Variants in HSPB7 observed in about 807,000 individuals in gnomAD.
HSPB7 encodes heat shock protein beta-7.
Under a neutral mutation model 11.0 loss-of-function variants are expected in HSPB7, and 9 were observed. That is an observed-to-expected ratio of 0.82 (90% CI 0.49 to 1.43). The LOEUF (loss-of-function observed/expected upper bound fraction) is 1.43, where lower values mean the gene tolerates loss of function less well. HSPB7 is among the 40% of genes most tolerant of loss of function. The probability of loss-of-function intolerance (pLI) is 0.00; values close to 1 mark genes in which losing one functional copy is unlikely to be tolerated. For synonymous variants in HSPB7, 102 were observed against 101.6 expected (o/e 1.00, Z -0.02); for missense variants, 246 against 243.9 (o/e 1.01, Z -0.06).
chr1:16,019,267 C>T (rs1351909736), upstream of HSPB7: 14 of 1,502,936 alleles, frequency 9.3e-6, no homozygotes, highest in Non-Finnish European at 1.2e-5. Context: ...AATGCCTCCT[C>T]CCCCAGGGAG....
upstream of HSPB7, chr1:16,018,096 G>A (rs1475253581): frequency 3.8e-6 from 6 of 1,563,664 alleles, no homozygotes; most frequent in Non-Finnish European, 5.2e-6. Context: ...TGGGCTTGGG[G>A]CCAGCCCCTT....
upstream of HSPB7, chr1:16,018,603 G>A: frequency 9.6e-7 from 1 of 1,043,476 alleles, no homozygotes; most frequent in Non-Finnish European, 1.2e-6. Flanking sequence ...CAGCCCCCAT[G>A]GGGACCTGGA....
intron 1 of HSPB7, 144 bp from the exon 2 acceptor site, chr1:16,017,351 T>G: frequency 9.4e-7 from 1 of 1,063,966 alleles, no homozygotes. Context: ...TCCTCCTCAT[T>G]CCTACAGCCC....
At position 16,017,872 on chromosome 1, in the gene HSPB7, G is replaced by A. The variant is rs201036059; in HGVS notation, c.92C>T (p.Ser31Phe). 1.1e-5 allele frequency: 17 copies of A among 1,613,980 alleles called. No individual in the cohort carries two copies. The Admixed American group carries it at 2.2e-4, about 21-fold the overall frequency. ...CGGGTCCTGGGCCGGGAGAGCACGG[G>A]AGGCCGAGGAGGAGGTGGAAGAGGA... ...SSSSSTSSSA[S>F]RALPAQDPPM... The change falls in exon 1 of 3, where the codon TCC becomes TTC. Residue 31 changes from serine to phenylalanine, a missense_variant. By Grantham distance (155) the Ser-to-Phe change is radical. Transcript: ENST00000311890.
Position 16,017,765 on chromosome 1 carries a change from C to T in HSPB7, c.199G>A (p.Ala67Thr). The T allele has an allele frequency of 6.3e-7, 1 of 1,593,730 alleles. No homozygotes were observed. Among genetic ancestry groups the T allele is most frequent in the Non-Finnish European group, 8.5e-7 (1 of 1,170,650 alleles). The change falls in exon 1 of 3, where the codon GCC becomes ACC. Residue 67 changes from alanine to threonine, a missense_variant and splice_region_variant. Ala to Thr is a moderately conservative substitution (Grantham distance 58). Coordinates refer to ENST00000311890, the MANE Select transcript of HSPB7 (RefSeq NM_014424.5). ...TCCCCTCAGGGCCCGGATCACTTGC[C>T]TGGGAAGGCCAGGGGCTCCGAGTGG... ...RPHSEPLAFP[A>T]RPGGAGNIKT...
chr1:16,016,823 T>TAA (rs776554159), intron 2 of HSPB7, among the ~76,000 whole-genome samples: 1 of 149,166 alleles, frequency 6.7e-6, no homozygotes, highest in Non-Finnish European at 1.5e-5. Context: ...CCCTCTCCCA[T>TAA]TCCTCGGAGG....
At position 16,017,860 on chromosome 1, in the gene HSPB7, G is replaced by C. The variant is rs201818713; in HGVS notation, c.104C>G (p.Pro35Arg). The C allele has an allele frequency of 5.3e-5, 85 of 1,613,884 alleles. No homozygotes were observed. The East Asian group carries it at 1.9e-3, about 35-fold the overall frequency. Residue 35 changes from proline to arginine, a missense_variant, in exon 1 of 3, where the codon CCG (proline) becomes CGG (arginine). Physicochemically the swap from Pro to Arg is moderately radical, Grantham distance 103. Transcript: ENST00000311890. ...STSSSASRALPAQDPPMEKAL... is the reference protein window; with the variant it reads ...STSSSASRALRAQDPPMEKAL... ...CTTCTCCATGGGCGGGTCCTGGGCC[G>C]GGAGAGCACGGGAGGCCGAGGAGGA...
chr1:16,018,887 C>A, upstream of HSPB7: 1 of 1,316,240 alleles, frequency 7.6e-7, no homozygotes. Context: ...CCCGTTTGAT[C>A]CCCACACAGC....
At chr1:16,016,145 G>A (rs1570276338) in intron 2 of HSPB7, among the ~76,000 whole-genome samples, 2 of 152,360 alleles carry the variant, frequency 1.3e-5, no homozygotes, top group East Asian at 1.9e-4. Flanking sequence ...GCTGAGCGCC[G>A]GCCCCTCCCC....
In HSPB7 at chr1:16,015,471, TGGG is replaced by T. The variant is rs2021632443; in HGVS notation, c.*106_*108del. ...TGGTCCACCTGGGGTCTGGGGTGCG[TGGG>T]GGCTAGAACCTGGGCTGAGATGTCC... is the stretch of plus-strand genomic sequence containing the variant. On this transcript the variant is annotated 3_prime_UTR_variant, in exon 3 of 3. Coordinates refer to ENST00000311890, the MANE Select transcript of HSPB7 (RefSeq NM_014424.5). The surrounding 1 kb of genome is among the most constrained non-coding windows in gnomAD (Gnocchi z 4.9). 9.3e-7 allele frequency: 1 copy of T among 1,073,800 alleles called. No homozygotes were observed. The allele number at this position is 1,073,800 out of a possible 1,614,324, so 66.5% of individuals were successfully genotyped here. A position where few individuals can be genotyped will look rare whatever the true frequency, so the allele number is the denominator to read the frequency against.
chr1:16,015,597 T>G lies in HSPB7; in HGVS notation c.496A>C (p.Thr166Pro), dbSNP rs1318304732. The stretch of plus-strand genomic sequence containing the variant: ...AGAGGCACTCAGATTTTGATCTCCG[T>G]CCGGAAGGTCTGCTGGACGTGTTCT... Reference protein sequence around the residue: ...HTEHVQQTFRTEIKI With the variant: ...HTEHVQQTFRPEIKI Residue 166 changes from threonine (T) to proline (P), a missense_variant, in exon 3 of 3, where the codon ACG becomes CCG. By Grantham distance (38) the Thr-to-Pro change is conservative (BLOSUM62 -1). Transcript: ENST00000311890. The surrounding 1 kb of genome is among the most constrained non-coding windows in gnomAD (Gnocchi z 4.9). The G allele has an allele frequency of 2.5e-6, 4 of 1,614,000 alleles. No individual in the cohort carries two copies. The highest frequency in any genetic ancestry group is 3.4e-6 in the Non-Finnish European group (4 of 1,179,952).
chr1:16,016,508 G>A (rs1236170003), intron 2 of HSPB7, among the ~76,000 whole-genome samples: 4 of 152,338 alleles, frequency 2.6e-5, no homozygotes, highest in African/African-American at 9.6e-5. Context: ...ACCTGTGGGC[G>A]GGCGCTGTGT....
At chr1:16,016,110 G>A (rs2021700591) in intron 2 of HSPB7, among the ~76,000 whole-genome samples, 1 of 152,244 alleles carries the variant, frequency 6.6e-6, no homozygotes, top group Non-Finnish European at 1.5e-5. Context: ...GGATCCCCGG[G>A]CACATTGGGC....
At chr1:16,017,630 G>C (rs1333292982) in intron 1 of HSPB7, 135 bp downstream of exon 1, 6 of 714,302 alleles carry the variant, frequency 8.4e-6, no homozygotes, top group Non-Finnish European at 1.4e-5. Context: ...CATCTGTCTT[G>C]GTGGCCACAC....
In HSPB7 at chr1:16,018,006, ACAGGAGAGGGTGTG is replaced by A; in HGVS notation, c.-57_-44del. 6.2e-7 allele frequency: 1 copy of A among 1,612,000 alleles called. No individual in the cohort carries two copies. On this transcript the variant is annotated 5_prime_UTR_variant, in exon 1 of 3. Coordinates refer to ENST00000311890, the MANE Select transcript of HSPB7 (RefSeq NM_014424.5). The stretch of plus-strand genomic sequence containing the variant: ...CCCTGCCCAGGCGGGCGAGGGCTGG[ACAGGAGAGGGTGTG>A]GGCGCAGGCCTCTGGGCGAGCGTGC...
chr1:16,018,159 T>C (rs985089951), upstream of HSPB7: 6 of 1,538,972 alleles, frequency 3.9e-6, no homozygotes, highest in Non-Finnish European at 5.3e-6. Context: ...CTGGAAATCT[T>C]CTCCCGTGCG....
chr1:16,018,906 T>C (rs1018117773), upstream of HSPB7: 7 of 1,228,516 alleles, frequency 5.7e-6, no homozygotes, highest in Admixed American at 1.8e-4. Flanking sequence ...GCTGGGAGGG[T>C]GGAGGGGCTC....
Position 16,014,675 on chromosome 1 carries a change from G to T in HSPB7, c.*905C>A, listed in dbSNP as rs1230892369. 1 of 152,258 alleles carries T rather than the reference G, an allele frequency of 6.6e-6. No homozygotes were observed. Among genetic ancestry groups the T allele is most frequent in the African/African-American group, 2.4e-5 (1 of 41,468 alleles). The allele number at this position is 152,258 out of a possible 1,614,324, so 9.4% of individuals were successfully genotyped here. A position where few individuals can be genotyped will look rare whatever the true frequency, so the allele number is the denominator to read the frequency against. ...TATAGATTCATAGATTAAAGAGGGG[G>T]ATGGATGGAGAGCTGACTGCCCGGA... On this transcript the variant is annotated 3_prime_UTR_variant, in exon 3 of 3. Transcript: ENST00000311890.
At chr1:16,018,339 G>T (rs2021924489), upstream of HSPB7, 2 of 1,235,126 alleles carry the variant, frequency 1.6e-6, no homozygotes, top group Non-Finnish European at 2.1e-6. Flanking sequence ...CAAGTTTGGG[G>T]TTTATTGTGT....
Sources: gnomAD v4.1 joint callset for allele counts (sites outside exome capture counted in the v4.1 genomes callset) on GRCh38, gnomAD v4.1.1 for gene constraint, Gnocchi (gnomAD v3.1) non-coding constraint, MANE v1.5 for transcripts, NCBI Gene and HGNC (gene_info 2026-07-23, HGNC 2026-07-21) for gene names.